The following ZNF385B variants were observed in gnomAD, a reference collection of about 807,000 sequenced individuals.
ZNF385B encodes the protein zinc finger protein 385B.
ZNF385B carries 23 observed loss-of-function variants against 39.2 expected under a neutral mutation model. The observed-to-expected ratio is 0.59, with a 90% CI of 0.42 to 0.83. The LOEUF (loss-of-function observed/expected upper bound fraction) is 0.83. Ranked by LOEUF, ZNF385B falls within the 40% of genes least tolerant of loss-of-function variation. The pLI is 0.00. For synonymous variants in ZNF385B, 205 were observed against 222.6 expected, an observed-to-expected ratio of 0.92 and a Z score of 0.70; for missense variants, 552 against 598.9, an observed-to-expected ratio of 0.92 and a Z score of 0.82.
intron 3 of ZNF385B, among the ~76,000 whole-genome samples, chr2:179,601,161 G>A (rs1458381850): frequency 6.6e-6 from 1 of 152,118 alleles, no homozygotes; most frequent in Non-Finnish European, 1.5e-5. Context: ...ATATACATTA[G>A]AGACCCTGGG....
chr2:179,445,767 G>C, intron 7 of ZNF385B, 39 bp from the exon 8 acceptor site: 1 of 1,530,220 alleles, frequency 6.5e-7, no homozygotes, highest in Non-Finnish European at 8.8e-7. Context: ...AGCTATCCAA[G>C]AATTATATAA....
chr2:179,617,948 G>T (rs1489251009), intron 3 of ZNF385B, among the ~76,000 whole-genome samples: 1 of 152,128 alleles, frequency 6.6e-6, no homozygotes, highest in Non-Finnish European at 1.5e-5. Flanking sequence ...TATGCTAGGA[G>T]CCTTCTAATC....
intron 3 of ZNF385B, among the ~76,000 whole-genome samples, chr2:179,741,364 A>G (rs1321028553): frequency 6.6e-6 from 1 of 152,140 alleles, no homozygotes; most frequent in Non-Finnish European, 1.5e-5. Flanking sequence ...ACTGTTAAGG[A>G]TATTAACAAA....
intron 3 of ZNF385B, among the ~76,000 whole-genome samples, chr2:179,655,260 C>T (rs917791054): frequency 6.6e-6 from 1 of 152,098 alleles, no homozygotes; most frequent in African/African-American, 2.4e-5. Context: ...TACTACTCTA[C>T]AGTTACTCAT....
intron 3 of ZNF385B, among the ~76,000 whole-genome samples, chr2:179,702,162 T>C (rs1298138812): frequency 6.6e-6 from 1 of 152,128 alleles, no homozygotes; most frequent in East Asian, 1.9e-4. Context: ...TAAAAAAATG[T>C]TTTCAGGGTA....
At chr2:179,756,733 A>G (rs529074813) in intron 3 of ZNF385B, among the ~76,000 whole-genome samples, 5 of 152,068 alleles carry the variant, frequency 3.3e-5, no homozygotes, top group African/African-American at 7.2e-5. Context: ...TTGATCTTCA[A>G]TGACTGATAC....
intron 3 of ZNF385B, among the ~76,000 whole-genome samples, chr2:179,750,218 T>TA (rs1702594378): frequency 6.6e-6 from 1 of 152,124 alleles, no homozygotes; most frequent in Non-Finnish European, 1.5e-5. Context: ...AGGAGGTGGT[T>TA]AGAGTTGTAA....
chr2:179,736,325 T>A (rs925237886), intron 3 of ZNF385B, among the ~76,000 whole-genome samples: 2 of 152,180 alleles, frequency 1.3e-5, no homozygotes, highest in African/African-American at 4.8e-5. Flanking sequence ...TTTTTCTCTA[T>A]CAATTTTGCA....
intron 3 of ZNF385B, among the ~76,000 whole-genome samples, chr2:179,724,659 ATAATT>A (rs1700893523): frequency 6.6e-6 from 1 of 152,230 alleles, no homozygotes; most frequent in Non-Finnish European, 1.5e-5. Context: ...TTATTCTAAC[ATAATT>A]TTAGTTTAAG....
intron 1 of ZNF385B, among the ~76,000 whole-genome samples, chr2:179,798,663 T>G (rs185692954): frequency 8.6e-4 from 131 of 152,232 alleles, no homozygotes; most frequent in Non-Finnish European, 1.4e-3. Flanking sequence ...TGTAAATAAT[T>G]TAAATTCTTT....
intron 3 of ZNF385B, among the ~76,000 whole-genome samples, chr2:179,659,334 T>C (rs529072332): frequency 6.6e-6 from 1 of 152,156 alleles, no homozygotes; most frequent in Non-Finnish European, 1.5e-5. Context: ...TCACTAGTAT[T>C]TTACAATATT....
chr2:179,800,132 G>T (rs1474426964), intron 1 of ZNF385B, among the ~76,000 whole-genome samples: 1 of 151,906 alleles, frequency 6.6e-6, no homozygotes, highest in Admixed American at 6.6e-5. Context: ...ACCCATTTCT[G>T]AAAATTCATC....
chr2:179,652,171 G>A (rs967407369), intron 3 of ZNF385B, among the ~76,000 whole-genome samples: 1 of 152,084 alleles, frequency 6.6e-6, no homozygotes, highest in Non-Finnish European at 1.5e-5. Context: ...CATAGCTACC[G>A]TTAAGATACA....
rs573097064 is a variant in ZNF385B, at chr2:179,720,266, AG to A, written c.298+49236del. On this transcript the variant is annotated intron_variant, in intron 3 of 9. Coordinates refer to ENST00000410066, the MANE Select transcript of ZNF385B (RefSeq NM_152520.6). ...AATAGCCTGAAATTAAAATATCTGGAGTAACCACCAAAAGAATACATTTAGA... is the reference window on the plus strand; with the variant it reads ...AATAGCCTGAAATTAAAATATCTGGATAACCACCAAAAGAATACATTTAGA... 4.1e-3 allele frequency among the ~76,000 whole-genome samples: 627 copies of A among 152,212 alleles called. 6 individuals are homozygous for A. The highest frequency in any genetic ancestry group is 0.013 in the African/African-American group (525 of 41,524).
chr2:179,629,509 A>C (rs1056765261), intron 3 of ZNF385B, among the ~76,000 whole-genome samples: 1 of 152,218 alleles, frequency 6.6e-6, no homozygotes, highest in Admixed American at 6.5e-5. Context: ...AAGTCTAAAC[A>C]ATTTTTGGGG....
At position 179,511,048 on chromosome 2, in the gene ZNF385B, A is replaced by G. The variant is rs531179799; in HGVS notation, c.552+7480T>C. ...TTTGCTGCAAGGGACATCTTCAAAC[A>G]TGGTGTCTAATGGGGTTCCTGTTTC... On this transcript the variant is annotated intron_variant, in intron 5 of 9. Transcript: ENST00000410066. 4.6e-5 allele frequency among the ~76,000 whole-genome samples: 7 copies of G among 152,294 alleles called. No individual in the cohort carries two copies. In the South Asian group the frequency reaches 1.2e-3, roughly 27 times the overall value.
chr2:179,767,181 C>T (rs1482115698), intron 3 of ZNF385B, among the ~76,000 whole-genome samples: 1 of 152,196 alleles, frequency 6.6e-6, no homozygotes, highest in African/African-American at 2.4e-5. Flanking sequence ...ACAAGGGACT[C>T]TCAATGCCTA....
intron 3 of ZNF385B, chr2:179,660,180 T>C (rs1409136540): frequency 1.3e-5 from 2 of 152,564 alleles, no homozygotes; most frequent in African/African-American, 2.4e-5. Flanking sequence ...ACCGGTTTTA[T>C]TGCAGATTGA....
intron 1 of ZNF385B, among the ~76,000 whole-genome samples, chr2:179,787,439 T>C (rs1266578048): frequency 4.6e-5 from 7 of 152,056 alleles, no homozygotes; most frequent in African/African-American, 1.7e-4. Context: ...CTCTTAATAT[T>C]GGTATAGAAG....
Sources: gnomAD v4.1 joint callset for allele counts (sites outside exome capture counted in the v4.1 genomes callset) on GRCh38, gnomAD v4.1.1 for gene constraint, MANE v1.5 for transcripts, NCBI Gene and HGNC (gene_info 2026-07-23, HGNC 2026-07-21) for gene names.